RNF170: variants seen among roughly 807,000 people sequenced by gnomAD.
RNF170 encodes the protein E3 ubiquitin-protein ligase RNF170.
Under a neutral mutation model 32.7 loss-of-function variants are expected in RNF170, and 12 were observed. That is an observed-to-expected ratio of 0.37 (90% CI 0.24 to 0.60). The LOEUF is 0.60. RNF170 is among the 20% of genes least tolerant of loss of function. The pLI, the probability that RNF170 is intolerant of heterozygous loss-of-function variation, is 0.72. For synonymous variants in RNF170, 91 were observed against 103.6 expected, an observed-to-expected ratio of 0.88 and a Z score of 0.74; for missense variants, 212 against 311.2, an observed-to-expected ratio of 0.68 and a Z score of 2.40.
At chr8:42,880,534 G>C (rs1805308740) in intron 2 of RNF170, among the ~76,000 whole-genome samples, 1 of 152,210 alleles carries the variant, frequency 6.6e-6, no homozygotes, top group African/African-American at 2.4e-5. Flanking sequence ...CACTTTGGGA[G>C]GCTGAGGCGG....
Position 42,855,006 on chromosome 8 carries a change from A to G in RNF170, c.*1153T>C, listed in dbSNP as rs1803137872. 7.8e-7 allele frequency: 1 copy of G among 1,287,018 alleles called. No individual in the cohort carries two copies. The highest frequency in any genetic ancestry group is 1.0e-6 in the Non-Finnish European group (1 of 988,628). 79.7% of individuals were successfully genotyped at this position (1,287,018 alleles called of 1,614,324 possible). On this transcript the variant is annotated 3_prime_UTR_variant, in exon 7 of 7. Transcript: ENST00000527424. ...CAGTAATTTCTTTTGTCAAATGTAA[A>G]TACCGTTCCCAGTACCTTCCTATTG...
At chr8:42,881,400 G>A (rs144527790) in intron 2 of RNF170, 61 of 152,264 alleles carry the variant, frequency 4.0e-4, no homozygotes, top group African/African-American at 1.4e-3. Flanking sequence ...GGCCCATCAG[G>A]TTGCCTAAGG....
chr8:42,871,113 G>A (rs566292739), intron 3 of RNF170, among the ~76,000 whole-genome samples: 10 of 152,024 alleles, frequency 6.6e-5, no homozygotes, highest in Admixed American at 2.6e-4. Flanking sequence ...GGGAGGGTGA[G>A]GTGGGAGAAT....
rs1804709160 is a variant in RNF170, at chr8:42,873,895, T to C, written c.213+36A>G. The C allele has an allele frequency of 4.4e-6, 5 of 1,137,118 alleles. No homozygotes were observed. The East Asian group carries it at 1.2e-4, about 27-fold the overall frequency. 70.4% of individuals were successfully genotyped at this position (1,137,118 alleles called of 1,614,324 possible). ...ACAATTTCACATGCAAAGGGAGCTA[T>C]CACATCTACTCCTCAAATAAATACA... On this transcript the variant is annotated intron_variant, in intron 3 of 6. Coordinates refer to ENST00000527424, the MANE Select transcript of RNF170 (RefSeq NM_030954.4).
At chr8:42,896,279 C>T (rs1170703794) in intron 1 of RNF170, 2 of 349,314 alleles carry the variant, frequency 5.7e-6, no homozygotes, top group Non-Finnish European at 1.1e-5. Flanking sequence ...GCGTCGGCCC[C>T]TCCACCGTCG....
chr8:42,876,657 GT>G (rs541650996), intron 2 of RNF170, among the ~76,000 whole-genome samples: 5,018 of 122,970 alleles, frequency 0.041, 75 homozygotes, highest in African/African-American at 0.1. Context: ...TTTTTTGTGG[GT>G]TTTTTTTTTT....
At position 42,853,747 on chromosome 8, in the gene RNF170, A is replaced by G; in HGVS notation, c.*2412T>C. 7.8e-7 allele frequency: 1 copy of G among 1,287,214 alleles called. No individual in the cohort carries two copies. Among genetic ancestry groups the G allele is most frequent in the South Asian group, 1.2e-5 (1 of 80,940 alleles). 79.7% of individuals were successfully genotyped at this position (1,287,214 alleles called of 1,614,324 possible). A position where few individuals can be genotyped will look rare whatever the true frequency, so the allele number is the denominator to read the frequency against. On this transcript the variant is annotated 3_prime_UTR_variant, in exon 7 of 7. Coordinates refer to ENST00000527424, the MANE Select transcript of RNF170 (RefSeq NM_030954.4). ...TCAGATCCCTTCTGCATTTATCATC[A>G]GAGATCGGTAAAGATGACAACAAGC... is the stretch of plus-strand genomic sequence containing the variant.
At chr8:42,852,721 C>T (rs938755645), downstream of RNF170, among the ~76,000 whole-genome samples, 10 of 152,150 alleles carry the variant, frequency 6.6e-5, no homozygotes, top group Non-Finnish European at 1.3e-4. Context: ...AGCAGAATTT[C>T]ATATAATTTA....
At chr8:42,882,600 G>C (rs542774562) in intron 2 of RNF170, among the ~76,000 whole-genome samples, 1 of 152,306 alleles carries the variant, frequency 6.6e-6, no homozygotes, top group African/African-American at 2.4e-5. Context: ...ATTATGCTAA[G>C]TGAAACAAGT....
rs768271875 is a variant in RNF170 at position 42,853,847 on chromosome 8, TTA to T, written c.*2310_*2311del. ...AGCTTTAAGATCATTTAGTATTTTT[TTA>T]TGTTACAAAATTTGGTACAATACAC... On this transcript the variant is annotated 3_prime_UTR_variant, in exon 7 of 7. Transcript: ENST00000527424. The T allele has an allele frequency of 4.7e-6, 6 of 1,286,744 alleles. No homozygotes were observed. The highest frequency in any genetic ancestry group is 2.3e-5 in the Admixed American group (1 of 43,514). The allele number at this position is 1,286,744 out of a possible 1,614,324, so 79.7% of individuals were successfully genotyped here.
intron 5 of RNF170, 67 bp downstream of exon 5, chr8:42,865,349 T>A: frequency 8.0e-7 from 1 of 1,249,882 alleles, no homozygotes; most frequent in Non-Finnish European, 1.2e-6. Context: ...CAAATGTAGA[T>A]ACAAAAACTA....
At chr8:42,860,777 G>A (rs1305978992) in intron 6 of RNF170, among the ~76,000 whole-genome samples, 1 of 151,718 alleles carries the variant, frequency 6.6e-6, no homozygotes, top group African/African-American at 2.4e-5. Flanking sequence ...GAGTGCAGTG[G>A]CGTGATATCG....
At chr8:42,862,275 A>G (rs557564114) in intron 5 of RNF170, among the ~76,000 whole-genome samples, 124 of 152,326 alleles carry the variant, frequency 8.1e-4, no homozygotes, top group Middle Eastern at 3.4e-3. Flanking sequence ...TCTTACTGGT[A>G]TTTGAAAGAT....
chr8:42,888,543 A>C (rs551282059), intron 1 of RNF170, among the ~76,000 whole-genome samples: 166 of 151,332 alleles, frequency 1.1e-3, no homozygotes, highest in African/African-American at 3.9e-3. Context: ...CAGGCGGATC[A>C]CCTGAGGTCA....
upstream of RNF170, chr8:42,896,821 C>T (rs1806972610): frequency 5.7e-6 from 1 of 173,918 alleles, no homozygotes; most frequent in African/African-American, 2.4e-5. Flanking sequence ...CGCAGTGGCT[C>T]CTCGGCCTCG....
intron 4 of RNF170, among the ~76,000 whole-genome samples, chr8:42,867,435 C>A (rs1286633594): frequency 7.3e-6 from 1 of 136,944 alleles, no homozygotes; most frequent in Non-Finnish European, 1.5e-5. Flanking sequence ...TGCGCCACTG[C>A]ACTCCAGCCT....
At chr8:42,875,632 G>A (rs866747973) in intron 2 of RNF170, among the ~76,000 whole-genome samples, 1 of 152,024 alleles carries the variant, frequency 6.6e-6, no homozygotes, top group East Asian at 1.9e-4. Context: ...GCTGGAGTGC[G>A]GTGGCACAAT....
At chr8:42,861,241 A>G (rs1803632564) in intron 6 of RNF170, 1 of 152,218 alleles carries the variant, frequency 6.6e-6, no homozygotes, top group African/African-American at 2.4e-5. Context: ...TTGTTTTTTA[A>G]GAAAGAAAAT....
intron 4 of RNF170, among the ~76,000 whole-genome samples, chr8:42,868,500 T>C (rs1252625984): frequency 2.0e-5 from 3 of 152,192 alleles, no homozygotes; most frequent in Admixed American, 2.0e-4. Context: ...TACTATTGTA[T>C]GAACCACTAA....
Sources: gnomAD v4.1 joint callset for allele counts (sites outside exome capture counted in the v4.1 genomes callset) on GRCh38, gnomAD v4.1.1 for gene constraint, MANE v1.5 for transcripts, NCBI Gene and HGNC (gene_info 2026-07-23, HGNC 2026-07-21) for gene names.